ARHGAP10: variants seen among roughly 807,000 people sequenced by gnomAD.
ARHGAP10 encodes the protein Rho GTPase activating protein 10.
In ARHGAP10, 87 loss-of-function variants were observed where a neutral mutation model predicts 108.6. That is an observed-to-expected ratio of 0.80 (90% CI 0.67 to 0.96). The LOEUF is 0.96. ARHGAP10 is among the 40% of genes least tolerant of loss of function. The pLI, the probability that ARHGAP10 is intolerant of heterozygous loss-of-function variation, is 0.00. For missense variants in ARHGAP10, 939 were observed against 954.5 expected (o/e 0.98, Z 0.21); for synonymous variants, 347 against 341.1 (o/e 1.02, Z -0.19).
At chr4:147,947,122 AAAG>A (rs1243491613) in intron 15 of ARHGAP10, among the ~76,000 whole-genome samples, 1 of 152,168 alleles carries the variant, frequency 6.6e-6, no homozygotes, top group Non-Finnish European at 1.5e-5. Flanking sequence ...GCTCTTTGAA[AAAG>A]AAGTTTACTT....
chr4:147,800,969 C>G (rs1731558013), intron 1 of ARHGAP10, among the ~76,000 whole-genome samples: 1 of 152,170 alleles, frequency 6.6e-6, no homozygotes, highest in Non-Finnish European at 1.5e-5. Context: ...CCATGCCTGG[C>G]TAATTTTTGT....
Position 148,006,785 on chromosome 4 carries a change from A to T in ARHGAP10, c.1717-16478A>T, listed in dbSNP as rs138622288. Among the ~76,000 whole-genome samples the T allele has an allele frequency of 4.2e-3, 637 of 152,348 alleles. 6 individuals carry two copies. Among genetic ancestry groups the T allele is most frequent in the African/African-American group, 0.014 (602 of 41,582 alleles). On this transcript the variant is annotated intron_variant, in intron 18 of 22. Transcript: ENST00000336498. Reference sequence around the variant, plus strand: ...AGTGAAAATGCAGTGAGAACCTGCCAGGTGATTAGTTACCCTCTCTTCATA... The same window carrying T: ...AGTGAAAATGCAGTGAGAACCTGCCTGGTGATTAGTTACCCTCTCTTCATA...
intron 8 of ARHGAP10, 26 bp downstream of exon 8, chr4:147,875,176 C>A: frequency 6.5e-7 from 1 of 1,534,798 alleles, no homozygotes; most frequent in African/African-American, 1.4e-5. Context: ...GCAGTGGCTG[C>A]GTGGCTGCTT....
intron 4 of ARHGAP10, among the ~76,000 whole-genome samples, chr4:147,848,091 G>GTTT (rs59590301): frequency 2.1e-5 from 3 of 145,902 alleles, no homozygotes; most frequent in Non-Finnish European, 1.5e-5. Context: ...GGGGATGTGA[G>GTTT]TTTTTTTTTT....
chr4:147,996,533 G>A (rs2149640512), intron 18 of ARHGAP10, among the ~76,000 whole-genome samples: 1 of 152,324 alleles, frequency 6.6e-6, no homozygotes, highest in East Asian at 1.9e-4. Flanking sequence ...AAGGACCAGA[G>A]CTTCTGTTGG....
chr4:147,869,664 T>A (rs913252384), intron 7 of ARHGAP10, among the ~76,000 whole-genome samples: 24 of 152,174 alleles, frequency 1.6e-4, no homozygotes. Flanking sequence ...CAACTTTTTC[T>A]CTAAATATTC....
intron 17 of ARHGAP10, among the ~76,000 whole-genome samples, chr4:147,966,260 G>A (rs1456819208): frequency 6.6e-6 from 1 of 152,244 alleles, no homozygotes; most frequent in African/African-American, 2.4e-5. Flanking sequence ...TGTGAGTCCT[G>A]CATGGGCAGA....
intron 1 of ARHGAP10, among the ~76,000 whole-genome samples, chr4:147,763,910 A>C (rs1364250529): frequency 6.6e-6 from 1 of 151,976 alleles, no homozygotes; most frequent in Non-Finnish European, 1.5e-5. Flanking sequence ...GTACGCCGCC[A>C]TGCCTGGCTA....
intron 1 of ARHGAP10, among the ~76,000 whole-genome samples, chr4:147,735,714 G>C (rs1728388595): frequency 6.6e-6 from 1 of 152,276 alleles, no homozygotes; most frequent in East Asian, 1.9e-4. Flanking sequence ...TAGCGCTAGG[G>C]GTGGGGAGGA....
At chr4:147,992,705 C>T (rs6814346) in intron 18 of ARHGAP10, among the ~76,000 whole-genome samples, 17,232 of 152,054 alleles carry the variant, frequency 0.11, 1,768 homozygotes, top group African/African-American at 0.27. Flanking sequence ...TGCACCTGGC[C>T]GAAAAAGCCT....
At chr4:147,971,339 G>A (rs1010898895) in intron 18 of ARHGAP10, among the ~76,000 whole-genome samples, 1 of 152,048 alleles carries the variant, frequency 6.6e-6, no homozygotes, top group Non-Finnish European at 1.5e-5. Flanking sequence ...AGTCATTCAT[G>A]GTGTGAGATT....
intron 1 of ARHGAP10, among the ~76,000 whole-genome samples, chr4:147,754,646 A>G (rs28416885): frequency 0.024 from 3,615 of 152,190 alleles, 144 homozygotes; most frequent in African/African-American, 0.082. Context: ...TTCACCAGCT[A>G]GAGAATTTGG....
chr4:147,865,174 T>C (rs774351133), intron 6 of ARHGAP10: 9 of 421,014 alleles, frequency 2.1e-5, no homozygotes, highest in Admixed American at 4.2e-5. Flanking sequence ...ACACGTAATA[T>C]TCCCATTGCT....
intron 1 of ARHGAP10, among the ~76,000 whole-genome samples, chr4:147,813,625 A>G (rs1480977259): frequency 1.3e-5 from 2 of 152,192 alleles, no homozygotes; most frequent in Non-Finnish European, 2.9e-5. Flanking sequence ...AGATGTGACA[A>G]TTGCACGCGA....
intron 1 of ARHGAP10, among the ~76,000 whole-genome samples, chr4:147,746,207 G>A (rs1327142533): frequency 6.6e-6 from 1 of 151,816 alleles, no homozygotes; most frequent in Non-Finnish European, 1.5e-5. Context: ...GGGTTAAAGC[G>A]ATTCTTCTGC....
At chr4:147,870,894 T>C (rs1216431126) in intron 7 of ARHGAP10, among the ~76,000 whole-genome samples, 2 of 151,918 alleles carry the variant, frequency 1.3e-5, no homozygotes, top group African/African-American at 4.8e-5. Context: ...TTTGTCGCAA[T>C]GTTCTAAGGA....
intron 20 of ARHGAP10, among the ~76,000 whole-genome samples, chr4:148,051,255 G>A (rs1729122022): frequency 6.6e-6 from 1 of 152,204 alleles, no homozygotes; most frequent in Admixed American, 6.5e-5. Flanking sequence ...GGCGATGGGT[G>A]ACTTCATTGC....
At chr4:147,833,903 C>T (rs1260546556) in intron 3 of ARHGAP10, among the ~76,000 whole-genome samples, 4 of 152,148 alleles carry the variant, frequency 2.6e-5, no homozygotes, top group Admixed American at 6.5e-5. Flanking sequence ...CCATGGGCAC[C>T]TCTCAGATAG....
At chr4:148,060,311 G>A (rs532072393) in intron 20 of ARHGAP10, among the ~76,000 whole-genome samples, 10 of 150,206 alleles carry the variant, frequency 6.7e-5, no homozygotes, top group African/African-American at 1.7e-4. Flanking sequence ...AGTTTGGAAG[G>A]TAAGAGATGG....
Sources: allele counts gnomAD v4.1 joint callset (sites outside exome capture counted in the v4.1 genomes callset), GRCh38; gene constraint gnomAD v4.1.1; transcripts MANE v1.5; gene names NCBI Gene and HGNC (gene_info 2026-07-23, HGNC 2026-07-21).